Variants in PRRC2B observed in about 807,000 individuals in gnomAD.
PRRC2B encodes protein PRRC2B.
PRRC2B carries 68 observed loss-of-function variants against 242.3 expected under a neutral mutation model. That is an observed-to-expected ratio of 0.28 (90% CI 0.23 to 0.34). The LOEUF (loss-of-function observed/expected upper bound fraction) is 0.34, where lower values mean the gene tolerates loss of function less well. PRRC2B is among the 10% of genes least tolerant of loss of function. The probability of loss-of-function intolerance (pLI) is 1.00; values close to 1 mark genes in which losing one functional copy is unlikely to be tolerated. For missense variants in PRRC2B, 2,835 were observed against 2,954.8 expected, an observed-to-expected ratio of 0.96 and a Z score of 0.94; for synonymous variants, 1,228 against 1,173.6, an observed-to-expected ratio of 1.05 and a Z score of -0.95.
chr9:131,495,451 G>A (rs1588286841), intron 31 of PRRC2B, among the ~76,000 whole-genome samples: 2 of 152,174 alleles, frequency 1.3e-5, no homozygotes, highest in East Asian at 1.9e-4. Context: ...GACCAGAACT[G>A]CTTCCGCCCT....
chr9:131,409,183 C>T lies in PRRC2B; in HGVS notation c.-52+14920C>T, dbSNP rs186264315. ...GATTACAGGCATGTGCCACGACGCC[C>T]GGCTAATTTTGTATTTTTAATAGAG... On this transcript the variant is annotated intron_variant, in intron 1 of 31. Coordinates refer to ENST00000683519, the MANE Select transcript of PRRC2B (RefSeq NM_013318.4). 1.8e-4 allele frequency among the ~76,000 whole-genome samples: 28 copies of T among 152,066 alleles called. 1 individual carries two copies. The highest frequency in any genetic ancestry group is 1.4e-3 in the East Asian group (7 of 5,172).
At chr9:131,397,355 C>T (rs762892296) in intron 1 of PRRC2B, among the ~76,000 whole-genome samples, 1 of 152,152 alleles carries the variant, frequency 6.6e-6, no homozygotes, top group African/African-American at 2.4e-5. Flanking sequence ...AAAAGAAAGC[C>T]TGGGGAAGGA....
chr9:131,394,483 C>T (rs1836986201), intron 1 of PRRC2B, among the ~76,000 whole-genome samples: 1 of 147,284 alleles, frequency 6.8e-6, no homozygotes, highest in Non-Finnish European at 1.5e-5. Flanking sequence ...GGGCGGCGGG[C>T]CCGGGCGCGC....
intron 11 of PRRC2B, among the ~76,000 whole-genome samples, chr9:131,459,977 A>G (rs1328692631): frequency 6.6e-6 from 1 of 151,102 alleles, no homozygotes; most frequent in Non-Finnish European, 1.5e-5. Context: ...CTCCAAAAAA[A>G]AAAAAAAAAA....
chr9:131,437,275 C>T (rs1056355216), intron 4 of PRRC2B, among the ~76,000 whole-genome samples: 1 of 152,162 alleles, frequency 6.6e-6, no homozygotes, highest in Non-Finnish European at 1.5e-5. Context: ...ATTTCTTTAC[C>T]GAATGTCTCT....
At chr9:131,477,593 G>A (rs1357285348) in intron 16 of PRRC2B, 151 bp from the exon 17 acceptor site, 9 of 606,326 alleles carry the variant, frequency 1.5e-5, no homozygotes, top group Non-Finnish European at 2.1e-5. Context: ...TGGATGCACT[G>A]TGGCCAGCCT....
chr9:131,444,136 C>T, intron 5 of PRRC2B, 49 bp from the exon 6 acceptor site: 1 of 1,607,062 alleles, frequency 6.2e-7, no homozygotes, highest in South Asian at 1.1e-5. Context: ...AAGCAGACGA[C>T]TGTTGACTCC....
intron 10 of PRRC2B, among the ~76,000 whole-genome samples, chr9:131,456,524 G>A (rs1439880733): frequency 6.6e-6 from 1 of 151,910 alleles, no homozygotes; most frequent in Admixed American, 6.6e-5. Flanking sequence ...CCAGCTACTC[G>A]GGAGGCTGAG....
chr9:131,467,091 G>A (rs989426993), intron 12 of PRRC2B, among the ~76,000 whole-genome samples: 2 of 134,982 alleles, frequency 1.5e-5, no homozygotes, highest in African/African-American at 5.0e-5. Flanking sequence ...GTGAGCCACC[G>A]CGCCTGTCAT....
At chr9:131,430,780 A>G (rs1252613351) in intron 2 of PRRC2B, among the ~76,000 whole-genome samples, 1 of 145,256 alleles carries the variant, frequency 6.9e-6, no homozygotes, top group African/African-American at 2.6e-5. Flanking sequence ...TTTAGTAGAG[A>G]TGGGGTTTCC....
chr9:131,487,725 C>CTA lies in PRRC2B; in HGVS notation c.5985-130_5985-129insAT, dbSNP rs1329613474. 3 of 1,255,212 alleles carry CTA rather than the reference C, an allele frequency of 2.4e-6. No individual in the cohort carries two copies. The African/African-American group carries it at 4.5e-5, about 19-fold the overall frequency. 77.8% of individuals were successfully genotyped at this position (1,255,212 alleles called of 1,614,324 possible). A position where few individuals can be genotyped will look rare whatever the true frequency, so the allele number is the denominator to read the frequency against. On this transcript the variant is annotated intron_variant, in intron 27 of 31. Coordinates refer to ENST00000683519, the MANE Select transcript of PRRC2B (RefSeq NM_013318.4). The surrounding 1 kb of genome is among the most constrained non-coding windows in gnomAD (Gnocchi z 5.3). ...GTTCTCAGGCCCCATCCTGGACCCTCTGAGTCGCGCTCTGGGGGTGGGGCC... is the reference window on the plus strand; with the variant it reads ...GTTCTCAGGCCCCATCCTGGACCCTCTATGAGTCGCGCTCTGGGGGTGGGGCC...
At chr9:131,421,158 C>G (rs914407071) in intron 1 of PRRC2B, among the ~76,000 whole-genome samples, 3 of 152,148 alleles carry the variant, frequency 2.0e-5, no homozygotes, top group African/African-American at 7.2e-5. Context: ...ACTGTCTGGC[C>G]CTTTACAGAC....
At chr9:131,408,353 G>C (rs1258834458) in intron 1 of PRRC2B, among the ~76,000 whole-genome samples, 2 of 152,170 alleles carry the variant, frequency 1.3e-5, no homozygotes, top group Non-Finnish European at 2.9e-5. Context: ...CTGGAGTGTT[G>C]GTTGTGGCAT....
chr9:131,388,262 T>C (rs1353116179), intron 1 of PRRC2B, among the ~76,000 whole-genome samples: 70 of 144,024 alleles, frequency 4.9e-4, no homozygotes, highest in African/African-American at 1.6e-3. Context: ...TTTTTTTAGA[T>C]GGAGATTCCC....
intron 1 of PRRC2B, among the ~76,000 whole-genome samples, chr9:131,396,079 CT>C (rs1564272684): frequency 6.6e-6 from 1 of 152,152 alleles, no homozygotes; most frequent in East Asian, 1.9e-4. Flanking sequence ...AGGCTCAGAT[CT>C]TGCATCTGTA....
chr9:131,482,050 G>A lies in PRRC2B; in HGVS notation c.4983+242G>A, dbSNP rs910887348. 1.3e-5 allele frequency among the ~76,000 whole-genome samples: 2 copies of A among 152,250 alleles called. No homozygotes were observed. The highest frequency in any genetic ancestry group is 2.9e-5 in the Non-Finnish European group (2 of 68,042). ...GGGTAACAAGGGAGGACCCAACGCTGGGTGGGAAGAGGGATTCAGGGCCTC... is the reference window on the plus strand; with the variant it reads ...GGGTAACAAGGGAGGACCCAACGCTAGGTGGGAAGAGGGATTCAGGGCCTC... On this transcript the variant is annotated intron_variant, in intron 20 of 31. Coordinates refer to ENST00000683519, the MANE Select transcript of PRRC2B (RefSeq NM_013318.4). The surrounding 1 kb of genome is among the most constrained non-coding windows in gnomAD (Gnocchi z 5.2).
At chr9:131,463,612 A>AT (rs562985927) in intron 11 of PRRC2B, among the ~76,000 whole-genome samples, 10 of 129,628 alleles carry the variant, frequency 7.7e-5, no homozygotes, top group Admixed American at 2.5e-4. Flanking sequence ...TCCAAAAGAG[A>AT]TTTTTTTTAG....
At chr9:131,406,346 A>G (rs1837360980) in intron 1 of PRRC2B, among the ~76,000 whole-genome samples, 1 of 152,174 alleles carries the variant, frequency 6.6e-6, no homozygotes, top group South Asian at 2.1e-4. Context: ...CCCACGAGCA[A>G]GGGCGTTTGA....
chr9:131,444,400 A>G (rs1838717319), intron 6 of PRRC2B, 72 bp downstream of exon 6: 6 of 1,509,272 alleles, frequency 4.0e-6, no homozygotes, highest in Non-Finnish European at 5.4e-6. Flanking sequence ...TGCACTCCTA[A>G]AAGGGTGCTG....
Sources: gnomAD v4.1 joint callset for allele counts (sites outside exome capture counted in the v4.1 genomes callset) on GRCh38, gnomAD v4.1.1 for gene constraint, Gnocchi (gnomAD v3.1) non-coding constraint, MANE v1.5 for transcripts, NCBI Gene and HGNC (gene_info 2026-07-23, HGNC 2026-07-21) for gene names.